The following PPP2R2C variants were observed in gnomAD, a reference collection of about 807,000 sequenced individuals.
The protein encoded by PPP2R2C is protein phosphatase 2, regulatory subunit B, gamma.
Under a neutral mutation model 45.3 loss-of-function variants are expected in PPP2R2C, and 10 were observed. The observed-to-expected ratio is 0.22, with a 90% CI of 0.14 to 0.37. The LOEUF (loss-of-function observed/expected upper bound fraction) is 0.37. Ranked by LOEUF, PPP2R2C falls within the 10% of genes least tolerant of loss-of-function variation. The pLI is 1.00. For missense variants in PPP2R2C, 308 were observed against 619.7 expected (o/e 0.50, Z 5.34); for synonymous variants, 257 against 245.4 (o/e 1.05, Z -0.44).
intron 5 of PPP2R2C, among the ~76,000 whole-genome samples, chr4:6,367,123 C>A (rs1364289724): frequency 6.6e-6 from 1 of 152,024 alleles, no homozygotes; most frequent in Non-Finnish European, 1.5e-5. Flanking sequence ...GGTCACAGAG[C>A]CTCAGTATCA....
intron 2 of PPP2R2C, among the ~76,000 whole-genome samples, chr4:6,521,767 C>T (rs1386568110): frequency 6.6e-6 from 1 of 152,194 alleles, no homozygotes; most frequent in East Asian, 1.9e-4. Flanking sequence ...CAGAACAGCC[C>T]ATTTGTGAGC....
At chr4:6,334,299 A>G (rs759749721) in intron 6 of PPP2R2C, among the ~76,000 whole-genome samples, 1 of 152,212 alleles carries the variant, frequency 6.6e-6, no homozygotes. Context: ...TGACTGCCAC[A>G]GAGTTGGTAC....
At chr4:6,395,530 T>C (rs1024960478) in intron 1 of PPP2R2C, among the ~76,000 whole-genome samples, 2 of 152,158 alleles carry the variant, frequency 1.3e-5, no homozygotes, top group African/African-American at 4.8e-5. Flanking sequence ...GACAGTCTGC[T>C]AGAGGGTGAC....
At chr4:6,436,616 G>T (rs1006610291) in intron 1 of PPP2R2C, among the ~76,000 whole-genome samples, 3 of 152,206 alleles carry the variant, frequency 2.0e-5, no homozygotes, top group African/African-American at 7.2e-5. Flanking sequence ...TCCAAATTCA[G>T]AATGTTTCCT....
chr4:6,523,698 C>G (rs897837330), intron 2 of PPP2R2C, among the ~76,000 whole-genome samples: 2 of 152,344 alleles, frequency 1.3e-5, no homozygotes, highest in East Asian at 1.9e-4. Flanking sequence ...CTGTGACCTA[C>G]CAATTCCACT....
At chr4:6,417,069 C>T (rs1478166754) in intron 1 of PPP2R2C, among the ~76,000 whole-genome samples, 1 of 152,224 alleles carries the variant, frequency 6.6e-6, no homozygotes, top group Non-Finnish European at 1.5e-5. Flanking sequence ...TGAACCTAAG[C>T]CAGGTCCTGC....
chr4:6,349,445 G>A (rs377073209), intron 5 of PPP2R2C: 8 of 982,954 alleles, frequency 8.1e-6, no homozygotes, highest in Admixed American at 1.2e-4. Context: ...TGCCTGATGC[G>A]TTGCAGAGCT....
chr4:6,390,329 G>A (rs1716521626), intron 1 of PPP2R2C, among the ~76,000 whole-genome samples: 1 of 152,166 alleles, frequency 6.6e-6, no homozygotes, highest in Non-Finnish European at 1.5e-5. Flanking sequence ...CTCTGCAGGA[G>A]ACAGCTCTAC....
chr4:6,545,743 T>C (rs1724959405), intron 1 of PPP2R2C, among the ~76,000 whole-genome samples: 1 of 152,226 alleles, frequency 6.6e-6, no homozygotes. Context: ...GGGTGGGCAG[T>C]TTCATTCTTC....
intron 2 of PPP2R2C, among the ~76,000 whole-genome samples, chr4:6,489,939 G>A (rs141863049): frequency 0.01 from 1,558 of 152,354 alleles, 20 homozygotes; most frequent in Non-Finnish European, 0.015. Context: ...TGGGCATAGA[G>A]CTAATCCCTC....
rs116668737 is a variant in PPP2R2C, at chr4:6,528,607, T to C, written c.49+6664A>G. 1.3e-5 allele frequency among the ~76,000 whole-genome samples: 2 copies of C among 152,336 alleles called. 1 individual carries two copies. Among genetic ancestry groups the C allele is most frequent in the South Asian group, 4.1e-4 (2 of 4,828 alleles). ...AGCCCAACGTATCACCCATCCTTAC[T>C]GTCAGGCCTCTGAGCCCAAGCTAAG... On this transcript the variant is annotated intron_variant, in intron 2 of 9. Transcript: ENST00000506140.
intron 1 of PPP2R2C, among the ~76,000 whole-genome samples, chr4:6,435,508 T>C (rs1211667967): frequency 6.6e-6 from 1 of 152,268 alleles, no homozygotes; most frequent in Non-Finnish European, 1.5e-5. Flanking sequence ...TTCTTGCGCA[T>C]ATTTTTCATC....
intron 1 of PPP2R2C, among the ~76,000 whole-genome samples, chr4:6,536,337 A>G (rs1443309397): frequency 6.6e-6 from 1 of 152,254 alleles, no homozygotes; most frequent in African/African-American, 2.4e-5. Context: ...TATGTAAAGA[A>G]CTCTTACAAA....
intron 5 of PPP2R2C, among the ~76,000 whole-genome samples, chr4:6,358,125 T>A (rs562108193): frequency 1.7e-4 from 26 of 152,262 alleles, no homozygotes; most frequent in African/African-American, 5.8e-4. Context: ...ATGGTACTGG[T>A]ACCAAAACAG....
intron 1 of PPP2R2C, among the ~76,000 whole-genome samples, chr4:6,549,847 C>T (rs1211805858): frequency 6.6e-6 from 1 of 152,214 alleles, no homozygotes; most frequent in Non-Finnish European, 1.5e-5. Flanking sequence ...CCTTATGGGA[C>T]AGCAGCTGTA....
chr4:6,536,567 A>G (rs1328203541), intron 1 of PPP2R2C, among the ~76,000 whole-genome samples: 4 of 152,224 alleles, frequency 2.6e-5, no homozygotes, highest in Admixed American at 2.6e-4. Context: ...GCAGTGACCA[A>G]AAAAAGGCCC....
intron 8 of PPP2R2C, among the ~76,000 whole-genome samples, chr4:6,325,900 C>CACCA: frequency 1.3e-5 from 2 of 150,026 alleles, no homozygotes; most frequent in South Asian, 4.3e-4. Flanking sequence ...CTCCTGCCCT[C>CACCA]GCCACCCGTG....
chr4:6,417,773 G>A (rs762515679), intron 1 of PPP2R2C, among the ~76,000 whole-genome samples: 6 of 152,228 alleles, frequency 3.9e-5, no homozygotes, highest in African/African-American at 9.6e-5. Flanking sequence ...GGCTGCGTGG[G>A]GGGCATGGTC....
intron 1 of PPP2R2C, among the ~76,000 whole-genome samples, chr4:6,467,901 C>T (rs1408553013): frequency 6.6e-6 from 1 of 152,160 alleles, no homozygotes; most frequent in Admixed American, 6.5e-5. Context: ...ACAAGGTTTC[C>T]CTGTTCCCAT....
Sources: gnomAD v4.1 joint callset for allele counts (sites outside exome capture counted in the v4.1 genomes callset) on GRCh38, gnomAD v4.1.1 for gene constraint, MANE v1.5 for transcripts, NCBI Gene and HGNC (gene_info 2026-07-23, HGNC 2026-07-21) for gene names.